ZFYVE16: variants seen among roughly 807,000 people sequenced by gnomAD.
The protein encoded by ZFYVE16 is zinc finger FYVE domain-containing protein 16.
In ZFYVE16, 89 loss-of-function variants were observed where a neutral mutation model predicts 138.1. The observed-to-expected ratio is 0.64, with a 90% CI of 0.54 to 0.77. ZFYVE16 has a LOEUF of 0.77. ZFYVE16 is among the 30% of genes least tolerant of loss of function. The pLI, the probability that ZFYVE16 is intolerant of heterozygous loss-of-function variation, is 0.00. For missense variants in ZFYVE16, 1,793 were observed against 1,786.7 expected, an observed-to-expected ratio of 1.00 and a Z score of -0.06; for synonymous variants, 596 against 618.3, an observed-to-expected ratio of 0.96 and a Z score of 0.53.
chr5:80,419,142 A>G (rs1258479887), intron 1 of ZFYVE16, among the ~76,000 whole-genome samples: 1 of 151,118 alleles, frequency 6.6e-6, no homozygotes, highest in Non-Finnish European at 1.5e-5. Context: ...CAGTGGTGTA[A>G]TCATGGCTCT....
chr5:80,443,310 A>G, intron 6 of ZFYVE16, 26 bp downstream of exon 6: 1 of 1,587,114 alleles, frequency 6.3e-7, no homozygotes. Context: ...TGTGTCTTAG[A>G]CTAAAGATAA....
intron 1 of ZFYVE16, among the ~76,000 whole-genome samples, chr5:80,412,637 G>C (rs1327930724): frequency 1.3e-5 from 2 of 152,040 alleles, no homozygotes; most frequent in Non-Finnish European, 2.9e-5. Flanking sequence ...ATATAGATAG[G>C]AATGTTTTGT....
At chr5:80,422,043 A>C (rs1184948244) in intron 1 of ZFYVE16, among the ~76,000 whole-genome samples, 1 of 152,136 alleles carries the variant, frequency 6.6e-6, no homozygotes, top group Non-Finnish European at 1.5e-5. Flanking sequence ...TAGGTATTTT[A>C]TTCTCTTTGA....
Position 80,430,980 on chromosome 5 carries a change from C to G in ZFYVE16, c.-39-3129C>G, listed in dbSNP as rs527374775. Among the ~76,000 whole-genome samples the G allele has an allele frequency of 2.0e-5, 3 of 152,114 alleles. No homozygotes were observed. In the South Asian group the frequency reaches 6.2e-4, roughly 32 times the overall value. Reference sequence around the variant, plus strand: ...CCAATCAAAAAAGTCCAGGACAGGACGGATTCACAGCCGAATTCTACCAGA... The same window carrying G: ...CCAATCAAAAAAGTCCAGGACAGGAGGGATTCACAGCCGAATTCTACCAGA... On this transcript the variant is annotated intron_variant, in intron 2 of 18. Transcript: ENST00000505560.
At chr5:80,419,703 C>T (rs1746801088) in intron 1 of ZFYVE16, among the ~76,000 whole-genome samples, 1 of 151,572 alleles carries the variant, frequency 6.6e-6, no homozygotes. Flanking sequence ...ATATAAACTT[C>T]AGGATTAGTT....
intron 15 of ZFYVE16, among the ~76,000 whole-genome samples, chr5:80,465,595 GAC>G (rs1753666819): frequency 6.6e-6 from 1 of 151,240 alleles, no homozygotes; most frequent in African/African-American, 2.4e-5. Context: ...TTTTTGTAGA[GAC>G]AGGGTCTCAC....
chr5:80,436,012 T>G (rs1348613875), intron 3 of ZFYVE16, among the ~76,000 whole-genome samples: 1 of 152,224 alleles, frequency 6.6e-6, no homozygotes, highest in Admixed American at 6.5e-5. Context: ...AAGAAGGTGC[T>G]TCTCCTTTGC....
At position 80,472,547 on chromosome 5, in the gene ZFYVE16, A is replaced by G. The variant is rs534973781; in HGVS notation, c.4025-214A>G. On this transcript the variant is annotated intron_variant, in intron 15 of 18. Coordinates refer to ENST00000505560, the MANE Select transcript of ZFYVE16 (RefSeq NM_001284236.3). ...TACCAGTTATTTCATCATAGCCAGA[A>G]GCAGAAATTCTCTTTGTTTTAACCT... Among the ~76,000 whole-genome samples the G allele has an allele frequency of 1.6e-4, 23 of 141,874 alleles. No homozygotes were observed. The South Asian group carries it at 4.9e-3, about 30-fold the overall frequency. The allele number at this position is 141,874 out of a possible 152,430, so 93.1% of individuals were successfully genotyped here. A position where few individuals can be genotyped will look rare whatever the true frequency, so the allele number is the denominator to read the frequency against.
Position 80,443,189 on chromosome 5 carries a change from G to GTAC in ZFYVE16, c.2491_2493dup (p.Thr831dup), listed in dbSNP as rs775783247. On this transcript the variant is annotated inframe_insertion, in exon 6 of 19. Coordinates refer to ENST00000505560, the MANE Select transcript of ZFYVE16 (RefSeq NM_001284236.3). The stretch of plus-strand genomic sequence containing the variant: ...CTTAAGTCTAATCATTCTGATGAAT[G>GTAC]TACTACTGTCCAGCCTCCTCAGGAG... The GTAC allele has an allele frequency of 8.7e-6, 14 of 1,607,640 alleles. No homozygotes were observed. In the East Asian group the frequency reaches 3.1e-4, roughly 36 times the overall value.
chr5:80,437,615 A>C lies in ZFYVE16; in HGVS notation c.930A>C (p.Glu310Asp). The change falls in exon 4 of 19, where the codon GAA becomes GAC. Residue 310 changes from glutamate (E) to aspartate (D), a missense_variant. Glu to Asp is a conservative substitution (Grantham distance 45). Around this residue, in one of 2 missense-constraint regions of ZFYVE16, gnomAD observed 1,295 missense variants for 1,204.3 expected, o/e 1.08. Coordinates refer to ENST00000505560, the MANE Select transcript of ZFYVE16 (RefSeq NM_001284236.3). ...SALTCSLPKN[E>D]DLCLNDSNSR... Reference sequence around the variant, plus strand: ...TGACCTGCAGCCTTCCGAAAAATGAAGATTTATGCTTAAATGATTCAAATT... The same window carrying C: ...TGACCTGCAGCCTTCCGAAAAATGACGATTTATGCTTAAATGATTCAAATT... 1 of 1,612,374 alleles carries C rather than the reference A, an allele frequency of 6.2e-7. No homozygotes were observed. Among genetic ancestry groups the C allele is most frequent in the Non-Finnish European group, 8.5e-7 (1 of 1,179,462 alleles).
At chr5:80,443,383 G>A (rs1272873511) in intron 6 of ZFYVE16, 99 bp downstream of exon 6, 3 of 1,330,986 alleles carry the variant, frequency 2.3e-6, no homozygotes, top group Non-Finnish European at 3.1e-6. Flanking sequence ...AACCAGACTA[G>A]GTATCAAGAG....
rs140455851 is a variant in ZFYVE16, at chr5:80,445,195, A to G, written c.2582-68A>G. The G allele has an allele frequency of 5.9e-4, 922 of 1,552,814 alleles. 5 individuals are homozygous for G. The African/African-American group carries it at 0.011, about 18-fold the overall frequency. ...AAAAAGCTTTTGAAAACATTTCACA[A>G]TCTTTTTGGCATTAAATCATTGCCA... On this transcript the variant is annotated intron_variant, in intron 6 of 18. Coordinates refer to ENST00000505560, the MANE Select transcript of ZFYVE16 (RefSeq NM_001284236.3).
chr5:80,432,537 A>G (rs1315388795), intron 2 of ZFYVE16, among the ~76,000 whole-genome samples: 1 of 152,262 alleles, frequency 6.6e-6, no homozygotes, highest in Middle Eastern at 3.2e-3. Context: ...CAAGGACTTC[A>G]TGTCTGAAGC....
At chr5:80,449,078 G>A (rs1200402986) in intron 8 of ZFYVE16, among the ~76,000 whole-genome samples, 1 of 152,004 alleles carries the variant, frequency 6.6e-6, no homozygotes, top group Non-Finnish European at 1.5e-5. Context: ...CAAAAATATA[G>A]TAAGCCCTAT....
chr5:80,427,693 G>A (rs1748316771), intron 2 of ZFYVE16, 148 bp downstream of exon 2: 1 of 133,948 alleles, frequency 7.5e-6, no homozygotes, highest in Admixed American at 9.2e-5. Flanking sequence ...TGTCTAAGGT[G>A]GCCAGGTGCA....
chr5:80,472,493 A>G (rs575242954), intron 15 of ZFYVE16, among the ~76,000 whole-genome samples: 172 of 151,988 alleles, frequency 1.1e-3, no homozygotes, highest in African/African-American at 4.0e-3. Flanking sequence ...GTCTAGTCTT[A>G]GGGTGGTTGT....
intron 2 of ZFYVE16, among the ~76,000 whole-genome samples, chr5:80,429,788 G>A (rs549825045): frequency 2.8e-4 from 43 of 151,892 alleles, no homozygotes; most frequent in Middle Eastern, 3.2e-3. Context: ...GGCAGGGGTT[G>A]AATCCTAGTC....
At chr5:80,450,814 A>ATT (rs139742757) in intron 10 of ZFYVE16, among the ~76,000 whole-genome samples, 6 of 90,466 alleles carry the variant, frequency 6.6e-5, no homozygotes, top group African/African-American at 1.9e-4. Context: ...CCTTATATCC[A>ATT]TTTTTTTTTT....
chr5:80,427,904 G>T (rs1442074169), intron 2 of ZFYVE16, among the ~76,000 whole-genome samples: 1 of 146,486 alleles, frequency 6.8e-6, no homozygotes, highest in Non-Finnish European at 1.5e-5. Flanking sequence ...CCTGGGAGAT[G>T]GAGGTTGCAG....
Sources: allele counts gnomAD v4.1 joint callset (sites outside exome capture counted in the v4.1 genomes callset), GRCh38; gene constraint gnomAD v4.1.1; regional missense constraint gnomAD v4.1.1; transcripts MANE v1.5; gene names NCBI Gene and HGNC (gene_info 2026-07-23, HGNC 2026-07-21).